GLIPR1L2: variants seen among roughly 807,000 people sequenced by gnomAD.
The protein encoded by GLIPR1L2 is GLIPR1 like 2.
Under a neutral mutation model 28.4 loss-of-function variants are expected in GLIPR1L2, and 21 were observed. That is an observed-to-expected ratio of 0.74 (90% confidence interval 0.52 to 1.06). The LOEUF (loss-of-function observed/expected upper bound fraction) is 1.06, where lower values mean the gene tolerates loss of function less well. GLIPR1L2 is among the 50% of genes least tolerant of loss of function. The probability of loss-of-function intolerance (pLI) is 0.00; values close to 1 mark genes in which losing one functional copy is unlikely to be tolerated. For synonymous variants in GLIPR1L2, 145 were observed against 139.3 expected (o/e 1.04, Z -0.29); for missense variants, 476 against 416.9 (o/e 1.14, Z -1.23).
rs566299852 is a variant in GLIPR1L2, at chr12:75,392,828, T to C, written c.234+1478T>C. Among the ~76,000 whole-genome samples, 37 of 152,144 alleles carry C rather than the reference T, an allele frequency of 2.4e-4. No individual in the cohort carries two copies. In the South Asian group the frequency reaches 7.5e-3, roughly 31 times the overall value. ...TTAAATATAGACATTTTTAAAGGAA[T>C]AGTATTTGATATATAGGTTAAAGTC... On this transcript the variant is annotated intron_variant, in intron 1 of 5. Coordinates refer to ENST00000550916, the MANE Select transcript of GLIPR1L2 (RefSeq NM_001270396.2).
Position 75,391,376 on chromosome 12 carries a change from C to T in GLIPR1L2, c.234+26C>T, listed in dbSNP as rs199923136. ...GTGAGGCCGGAAGGCGGTTTGCCGACCCTTCCACTACCGTTGCCACAACGC... is the reference window on the plus strand; with the variant it reads ...GTGAGGCCGGAAGGCGGTTTGCCGATCCTTCCACTACCGTTGCCACAACGC... On this transcript the variant is annotated intron_variant, in intron 1 of 5. Coordinates refer to ENST00000550916, the MANE Select transcript of GLIPR1L2 (RefSeq NM_001270396.2). The T allele has an allele frequency of 8.1e-6, 13 of 1,607,040 alleles. No homozygotes were observed. In the African/African-American group the frequency reaches 1.6e-4, roughly 20 times the overall value.
intron 1 of GLIPR1L2, among the ~76,000 whole-genome samples, chr12:75,399,220 G>T (rs1415419403): frequency 1.3e-5 from 2 of 152,154 alleles, no homozygotes; most frequent in African/African-American, 4.8e-5. Context: ...GTATTAGTAT[G>T]TTAAAAGATA....
chr12:75,419,762 G>A (rs935582654), intron 3 of GLIPR1L2, among the ~76,000 whole-genome samples: 1 of 152,202 alleles, frequency 6.6e-6, no homozygotes, highest in Non-Finnish European at 1.5e-5. Context: ...TTTACAGAAA[G>A]TGATATAAAT....
chr12:75,406,268 A>T (rs2045798920), intron 1 of GLIPR1L2, among the ~76,000 whole-genome samples: 1 of 152,068 alleles, frequency 6.6e-6, no homozygotes, highest in South Asian at 2.1e-4. Flanking sequence ...AACTGTTCAA[A>T]ACTTTCGAAA....
At chr12:75,419,662 T>C (rs939471576) in intron 3 of GLIPR1L2, among the ~76,000 whole-genome samples, 1 of 152,224 alleles carries the variant, frequency 6.6e-6, no homozygotes, top group Non-Finnish European at 1.5e-5. Context: ...GAGCTTTAAC[T>C]GTTTAACTGT....
At chr12:75,423,016 A>G in intron 4 of GLIPR1L2, 27 bp downstream of exon 4, 1 of 1,605,978 alleles carries the variant, frequency 6.2e-7, no homozygotes, top group Non-Finnish European at 8.5e-7. Flanking sequence ...AAACATGAAA[A>G]AAATGCATAA....
intron 1 of GLIPR1L2, among the ~76,000 whole-genome samples, chr12:75,394,333 C>T (rs1284738364): frequency 6.6e-6 from 1 of 151,872 alleles, no homozygotes; most frequent in Non-Finnish European, 1.5e-5. Flanking sequence ...GAAGTCATTG[C>T]CAAATTCAAT....
chr12:75,424,012 G>T (rs2046007930), intron 4 of GLIPR1L2: 2 of 152,234 alleles, frequency 1.3e-5, no homozygotes, highest in South Asian at 4.1e-4. Context: ...ATTGTGAACA[G>T]TGCTGCAATA....
intron 1 of GLIPR1L2, among the ~76,000 whole-genome samples, chr12:75,392,299 C>T (rs939929655): frequency 1.3e-5 from 2 of 152,092 alleles, no homozygotes; most frequent in Non-Finnish European, 2.9e-5. Context: ...TAGCAAATAC[C>T]AGCTGTTCTG....
At chr12:75,400,841 A>G (rs371722927) in intron 1 of GLIPR1L2, among the ~76,000 whole-genome samples, 2 of 152,182 alleles carry the variant, frequency 1.3e-5, no homozygotes, top group East Asian at 1.9e-4. Flanking sequence ...TAGGGCTAGC[A>G]TTCCTGAAGT....
rs145226781 is a variant in GLIPR1L2, at chr12:75,418,610, C to T, written c.585-4294C>T. Among the ~76,000 whole-genome samples the T allele has an allele frequency of 5.9e-5, 9 of 152,222 alleles. No individual in the cohort carries two copies. In the East Asian group the frequency reaches 1.5e-3, roughly 26 times the overall value. On this transcript the variant is annotated intron_variant, in intron 3 of 5. Coordinates refer to ENST00000550916, the MANE Select transcript of GLIPR1L2 (RefSeq NM_001270396.2). The stretch of plus-strand genomic sequence containing the variant: ...GTAGTAATAGTTTGAAGTCGGGTAA[C>T]GTGATGCCTCCAGCTTTGTTCTTTT...
intron 4 of GLIPR1L2, chr12:75,423,910 T>C (rs1032250560): frequency 3.9e-5 from 6 of 152,274 alleles, no homozygotes; most frequent in African/African-American, 1.2e-4. Flanking sequence ...TCCTTTTTTA[T>C]GGCTGCATAG....
intron 1 of GLIPR1L2, among the ~76,000 whole-genome samples, chr12:75,402,324 T>C (rs1232886826): frequency 6.6e-6 from 1 of 152,158 alleles, no homozygotes; most frequent in East Asian, 1.9e-4. Context: ...TTCTGAATAA[T>C]CTTCAAAGAA....
Position 75,430,700 on chromosome 12 carries a change from TC to T in GLIPR1L2, c.671-14del, listed in dbSNP as rs2046082778. ...AATTTTATGTAATTTTTGTGGACTT[TC>T]TTTTTCTTTCTAGGTAATGCAGATC... On this transcript the variant is annotated splice_polypyrimidine_tract_variant and intron_variant, in intron 4 of 5. Coordinates refer to ENST00000550916, the MANE Select transcript of GLIPR1L2 (RefSeq NM_001270396.2). 2 of 1,527,286 alleles carry T rather than the reference TC, an allele frequency of 1.3e-6. No homozygotes were observed. The highest frequency in any genetic ancestry group is 2.5e-5 in the South Asian group (2 of 81,590). 94.6% of individuals were successfully genotyped at this position (1,527,286 alleles called of 1,614,324 possible). A position where few individuals can be genotyped will look rare whatever the true frequency, so the allele number is the denominator to read the frequency against.
chr12:75,408,903 ATAG>A (rs2045832377), intron 1 of GLIPR1L2, among the ~76,000 whole-genome samples: 1 of 152,024 alleles, frequency 6.6e-6, no homozygotes, highest in Non-Finnish European at 1.5e-5. Context: ...AATTTTTTTA[ATAG>A]TGGTTACCTT....
intron 4 of GLIPR1L2, among the ~76,000 whole-genome samples, chr12:75,429,466 G>A (rs1392584999): frequency 6.6e-6 from 1 of 152,134 alleles, no homozygotes; most frequent in African/African-American, 2.4e-5. Context: ...GCTTATAGAT[G>A]GAAGGGACTT....
At chr12:75,430,323 G>A (rs2046078753) in intron 4 of GLIPR1L2, among the ~76,000 whole-genome samples, 1 of 152,196 alleles carries the variant, frequency 6.6e-6, no homozygotes, top group African/African-American at 2.4e-5. Flanking sequence ...AATGAGGAAA[G>A]TGAATAGATT....
intron 3 of GLIPR1L2, among the ~76,000 whole-genome samples, chr12:75,415,161 A>G (rs2045911561): frequency 6.6e-6 from 1 of 152,046 alleles, no homozygotes; most frequent in Admixed American, 6.6e-5. Flanking sequence ...GTAGGAGTTG[A>G]GGTGGAGAGT....
chr12:75,392,058 T>C (rs896262810), intron 1 of GLIPR1L2, among the ~76,000 whole-genome samples: 1 of 152,192 alleles, frequency 6.6e-6, no homozygotes, highest in African/African-American at 2.4e-5. Context: ...TTTTCCTGAC[T>C]GTCATTAAAA....
Sources: allele counts gnomAD v4.1 joint callset (sites outside exome capture counted in the v4.1 genomes callset), GRCh38; gene constraint gnomAD v4.1.1; transcripts MANE v1.5; gene names NCBI Gene and HGNC (gene_info 2026-07-23, HGNC 2026-07-21).